Variants in AFG2A observed in about 807,000 individuals in gnomAD.
AFG2A encodes the protein AAA ATPase AFG2A.
chr4:123,197,741 C>A, the AFG2A span, among the ~76,000 whole-genome samples: 2 of 151,606 alleles, frequency 1.3e-5, no homozygotes, highest in African/African-American at 4.8e-5. Context: ...GCACTCCAGC[C>A]TGGGTGACGG....
the AFG2A span, among the ~76,000 whole-genome samples, chr4:123,192,674 A>T: frequency 6.6e-6 from 1 of 151,704 alleles, no homozygotes; most frequent in African/African-American, 2.4e-5. Context: ...CTTTACCAGG[A>T]CTCTCCTCTT....
At chr4:123,306,330 T>TG in the AFG2A span, among the ~76,000 whole-genome samples, 1 of 152,318 alleles carries the variant, frequency 6.6e-6, no homozygotes, top group Non-Finnish European at 1.5e-5. Context: ...GATCTATTAT[T>TG]ACTGCTGAAC....
the AFG2A span, among the ~76,000 whole-genome samples, chr4:122,943,693 T>G: frequency 2.6e-5 from 4 of 152,180 alleles, no homozygotes; most frequent in African/African-American, 9.7e-5. Context: ...GTTAGCTGGT[T>G]ATTTTGCTCA....
At chr4:123,253,373 A>G in the AFG2A span, among the ~76,000 whole-genome samples, 9 of 152,072 alleles carry the variant, frequency 5.9e-5, 1 homozygote, top group South Asian at 1.7e-3. Flanking sequence ...AATCCCAGCT[A>G]CTTGGGAGGC....
the AFG2A span, among the ~76,000 whole-genome samples, chr4:123,196,196 G>A: frequency 1.2e-3 from 64 of 53,292 alleles, no homozygotes; most frequent in East Asian, 0.042. Flanking sequence ...TTTTTAGTAG[G>A]GATGGAGTTT....
the AFG2A span, among the ~76,000 whole-genome samples, chr4:123,041,417 G>A: frequency 4.4e-4 from 67 of 151,498 alleles, 3 homozygotes; most frequent in South Asian, 9.2e-3. Context: ...CACCGCGCCC[G>A]GCCTATGATT....
At chr4:123,036,172 G>A in the AFG2A span, among the ~76,000 whole-genome samples, 22 of 152,244 alleles carry the variant, frequency 1.4e-4, no homozygotes, top group East Asian at 5.8e-4. Flanking sequence ...TGGGCTCCTC[G>A]TTATGTATCA....
chr4:123,219,317 C>T, the AFG2A span, among the ~76,000 whole-genome samples: 1 of 152,222 alleles, frequency 6.6e-6, no homozygotes, highest in Non-Finnish European at 1.5e-5. Flanking sequence ...TACCCCTTCT[C>T]CTGCCTGTTT....
At chr4:123,228,405 A>G in the AFG2A span, among the ~76,000 whole-genome samples, 14 of 151,862 alleles carry the variant, frequency 9.2e-5, no homozygotes, top group African/African-American at 3.1e-4. Context: ...ATTAAAGAGG[A>G]AAATCTTAAA....
At chr4:123,090,737 A>G in the AFG2A span, 4 of 1,592,458 alleles carry the variant, frequency 2.5e-6, no homozygotes, top group South Asian at 4.6e-5. Flanking sequence ...ATATTATAAA[A>G]TCAAGAACTG....
At chr4:123,007,246 G>T in the AFG2A span, among the ~76,000 whole-genome samples, 2 of 151,836 alleles carry the variant, frequency 1.3e-5, no homozygotes, top group East Asian at 3.9e-4. Flanking sequence ...TTGAGGTAGG[G>T]CCCTTTTTAG....
chr4:123,140,145 C>A, the AFG2A span, among the ~76,000 whole-genome samples: 10 of 152,012 alleles, frequency 6.6e-5, no homozygotes, highest in Admixed American at 5.2e-4. Context: ...GTAAAGTAAA[C>A]AAACCTGTTT....
At chr4:123,163,041 A>G in the AFG2A span, among the ~76,000 whole-genome samples, 1 of 152,246 alleles carries the variant, frequency 6.6e-6, no homozygotes, top group African/African-American at 2.4e-5. Context: ...GGACTTTGGA[A>G]TCAGACTGAC....
At chr4:123,145,475 C>T in the AFG2A span, among the ~76,000 whole-genome samples, 1 of 152,072 alleles carries the variant, frequency 6.6e-6, no homozygotes, top group African/African-American at 2.4e-5. Context: ...GCAAATAATG[C>T]ACTTTCAATC....
At chr4:123,199,319 C>T in the AFG2A span, among the ~76,000 whole-genome samples, 1 of 151,932 alleles carries the variant, frequency 6.6e-6, no homozygotes, top group African/African-American at 2.4e-5. Context: ...GATTTTTATG[C>T]AGTATACATT....
At chr4:123,105,849 A>T in the AFG2A span, among the ~76,000 whole-genome samples, 2 of 152,242 alleles carry the variant, frequency 1.3e-5, no homozygotes, top group Admixed American at 1.3e-4. Flanking sequence ...CTTGAGATGG[A>T]ATCTACTGGT....
chr4:123,139,817 A>T, the AFG2A span, among the ~76,000 whole-genome samples: 2 of 152,088 alleles, frequency 1.3e-5, no homozygotes, highest in African/African-American at 4.8e-5. Context: ...ATGGTTACTG[A>T]TTTTCTGAAT....
the AFG2A span, among the ~76,000 whole-genome samples, chr4:123,303,096 T>C: frequency 6.6e-6 from 1 of 152,208 alleles, no homozygotes; most frequent in Non-Finnish European, 1.5e-5. Context: ...CCAACTGGTA[T>C]GTTATTTTTA....
the AFG2A span, among the ~76,000 whole-genome samples, chr4:123,129,185 A>G: frequency 6.6e-6 from 1 of 152,216 alleles, no homozygotes; most frequent in Non-Finnish European, 1.5e-5. Context: ...AGTAATTCAA[A>G]CAAGTATTAA....
Sources: allele counts gnomAD v4.1 joint callset (sites outside exome capture counted in the v4.1 genomes callset), GRCh38; gene constraint gnomAD v4.1.1; transcripts MANE v1.5; gene names NCBI Gene and HGNC (gene_info 2026-07-23, HGNC 2026-07-21).